Variants in DBR1 observed in about 807,000 individuals in gnomAD.
DBR1 encodes lariat debranching enzyme.
A neutral mutation model predicts 45.9 loss-of-function variants in DBR1; 33 were observed. The observed-to-expected ratio is 0.72, with a 90% CI of 0.55 to 0.96. The LOEUF (loss-of-function observed/expected upper bound fraction) is 0.96. Ranked by LOEUF, DBR1 falls within the 40% of genes least tolerant of loss-of-function variation. The pLI is 0.00. For missense variants in DBR1, 619 were observed against 667.4 expected, an observed-to-expected ratio of 0.93 and a Z score of 0.80; for synonymous variants, 235 against 235.9, an observed-to-expected ratio of 1.00 and a Z score of 0.04.
chr3:138,169,240 G>A (rs2042944100), intron 4 of DBR1, among the ~76,000 whole-genome samples: 1 of 152,152 alleles, frequency 6.6e-6, no homozygotes, highest in Admixed American at 6.6e-5. Context: ...ATCCTTAAAG[G>A]GATGAAGTTA....
At position 138,162,302 on chromosome 3, in the gene DBR1, C is replaced by T. The variant is rs768335561; in HGVS notation, c.1222G>A (p.Gly408Arg). 2 of 1,614,204 alleles carry T rather than the reference C, an allele frequency of 1.2e-6. No individual in the cohort carries two copies. Among genetic ancestry groups the T allele is most frequent in the Non-Finnish European group, 1.7e-6 (2 of 1,180,042 alleles). The change falls in exon 8 of 8, where the codon GGA becomes AGA. Residue 408 changes from glycine (G) to arginine (R), a missense_variant. This residue lies in a region of DBR1 where 182 missense variants were observed against 196.1 expected (regional missense o/e 0.93). Transcript: ENST00000260803. ...EQDDVESNDS[G>R]EDQSEYNTDT... ...GTATTATATTCACTCTGGTCTTCTC[C>T]AGAGTCATTACTCTCCACATCATCC...
At chr3:138,165,248 T>A (rs1334801558) in intron 5 of DBR1, among the ~76,000 whole-genome samples, 1 of 152,170 alleles carries the variant, frequency 6.6e-6, no homozygotes, top group Non-Finnish European at 1.5e-5. Context: ...GAGTATGCCT[T>A]ATCTAAAATG....
intron 1 of DBR1, 87 bp downstream of exon 1, chr3:138,174,512 A>G: frequency 7.5e-7 from 1 of 1,342,220 alleles, no homozygotes; most frequent in South Asian, 1.4e-5. Context: ...GAACAAAGAC[A>G]GGATCTAAGG....
intron 5 of DBR1, among the ~76,000 whole-genome samples, chr3:138,164,536 G>A (rs190459231): frequency 6.6e-6 from 1 of 152,326 alleles, no homozygotes; most frequent in East Asian, 1.9e-4. Flanking sequence ...CAGGCACAAA[G>A]GATCTTTGGG....
rs1232347096 is a variant in DBR1 at position 138,170,141 on chromosome 3, T to A, written c.455A>T (p.His152Leu). 1.9e-6 allele frequency: 3 copies of A among 1,600,436 alleles called. No individual in the cohort carries two copies. Among genetic ancestry groups the A allele is most frequent in the Admixed American group, 1.7e-5 (1 of 58,938 alleles). ...YNSSTIRSIYHVRNIEVYKLK... is the reference protein window; with the variant it reads ...YNSSTIRSIYLVRNIEVYKLK... ...TTTATAGACTTCAATATTTCTCACA[T>A]GATATATACTCCTGATTGTAGATGA... Residue 152 changes from histidine (H) to leucine (L), a missense_variant, in exon 4 of 8, where the codon CAT becomes CTT. His to Leu is a moderately conservative substitution (Grantham distance 99). This residue lies in a region of DBR1 where 430 missense variants were observed against 447.7 expected (regional missense o/e 0.96). Coordinates refer to ENST00000260803, the MANE Select transcript of DBR1 (RefSeq NM_016216.4).
chr3:138,168,715 C>T lies in DBR1; in HGVS notation c.489+1392G>A, dbSNP rs116339301. Among the ~76,000 whole-genome samples, 325 of 151,534 alleles carry T rather than the reference C, an allele frequency of 2.1e-3. 2 individuals are homozygous for T. Among genetic ancestry groups the T allele is most frequent in the Middle Eastern group, 0.01 (3 of 294 alleles). On this transcript the variant is annotated intron_variant, in intron 4 of 7. Transcript: ENST00000260803. ...CTCATGCCTGTAATCCCAGCACTTTCGGAGGCCAAGGCAGAAGGATCGCTT... is the reference window on the plus strand; with the variant it reads ...CTCATGCCTGTAATCCCAGCACTTTTGGAGGCCAAGGCAGAAGGATCGCTT...
chr3:138,174,671 G>T lies in DBR1; in HGVS notation c.125C>A (p.Ala42Glu). ...GCGTAGATCCGCCTCGTTGCGCACC[G>T]CCTGGAAGTCGCCGCAGCACAGCAA... is the stretch of plus-strand genomic sequence containing the variant. ...DLLLCCGDFQ[A>E]VRNEADLRCM... Residue 42 changes from alanine to glutamate, a missense_variant, in exon 1 of 8, where the codon GCG (alanine) becomes GAG (glutamate). Around this residue, in one of 3 missense-constraint regions of DBR1, gnomAD observed 430 missense variants for 447.7 expected, o/e 0.96. Transcript: ENST00000260803. 6.2e-7 allele frequency: 1 copy of T among 1,612,318 alleles called. No homozygotes were observed. The highest frequency in any genetic ancestry group is 8.5e-7 in the Non-Finnish European group (1 of 1,179,326).
chr3:138,163,202 G>T, intron 7 of DBR1, 147 bp downstream of exon 7: 1 of 765,270 alleles, frequency 1.3e-6, no homozygotes, highest in Non-Finnish European at 2.0e-6. Flanking sequence ...AGAGGATGCA[G>T]TGAGCCAAGA....
chr3:138,164,866 C>T (rs563155046), intron 5 of DBR1, among the ~76,000 whole-genome samples: 4 of 152,162 alleles, frequency 2.6e-5, no homozygotes, highest in African/African-American at 7.2e-5. Flanking sequence ...AGACTGGCCT[C>T]GAACTCCTGG....
intron 7 of DBR1, among the ~76,000 whole-genome samples, chr3:138,163,075 T>G (rs1349144370): frequency 6.6e-6 from 1 of 152,122 alleles, no homozygotes; most frequent in Non-Finnish European, 1.5e-5. Context: ...CTAGGCAACA[T>G]GGGAAAGCCC....
At position 138,162,257 on chromosome 3, in the gene DBR1, A is replaced by G. The variant is rs897912837; in HGVS notation, c.1267T>C (p.Ser423Pro). The change falls in exon 8 of 8, where the codon TCT becomes CCT. Residue 423 changes from serine to proline, a missense_variant. Ser to Pro is a moderately conservative substitution (Grantham distance 74). Coordinates refer to ENST00000260803, the MANE Select transcript of DBR1 (RefSeq NM_016216.4). Reference sequence around the variant, plus strand: ...AACATTATTTCATCTGGATTAATAGAAGACAGAGCAGATGTGTCTGTATTA... The same window carrying G: ...AACATTATTTCATCTGGATTAATAGGAGACAGAGCAGATGTGTCTGTATTA... ...EYNTDTSALS[S>P]INPDEIMLDE... 11 of 1,614,082 alleles carry G rather than the reference A, an allele frequency of 6.8e-6. No homozygotes were observed. The Admixed American group carries it at 1.0e-4, about 15-fold the overall frequency.
At chr3:138,173,461 C>T (rs746349969) in intron 2 of DBR1, 41 bp downstream of exon 2, 4 of 1,607,664 alleles carry the variant, frequency 2.5e-6, no homozygotes, top group Non-Finnish European at 3.4e-6. Context: ...TAAGCTCTTC[C>T]ATCCCAGGAA....
At position 138,174,781 on chromosome 3, in the gene DBR1, C is replaced by A. The variant is rs2042971824; in HGVS notation, c.15G>T (p.Val5=). The A allele has an allele frequency of 6.2e-7, 1 of 1,611,456 alleles. No individual in the cohort carries two copies. The highest frequency in any genetic ancestry group is 1.1e-5 in the South Asian group (1 of 90,780). MRVA[V]AGCCHGELDK... Reference sequence around the variant, plus strand: ...CCAGCTCGCCGTGGCAGCAGCCAGCCACAGCCACCCGCATTCTGCCGGCCT... The same window carrying A: ...CCAGCTCGCCGTGGCAGCAGCCAGCAACAGCCACCCGCATTCTGCCGGCCT... Residue 5 remains valine, a synonymous_variant, in exon 1 of 8, where the codon GTG becomes GTT. Coordinates refer to ENST00000260803, the MANE Select transcript of DBR1 (RefSeq NM_016216.4).
chr3:138,169,865 G>A (rs535460368), intron 4 of DBR1, among the ~76,000 whole-genome samples: 8 of 152,074 alleles, frequency 5.3e-5, no homozygotes, highest in African/African-American at 1.7e-4. Context: ...CCCAGGAGGC[G>A]GAGGTTGCAG....
At chr3:138,163,744 C>T in intron 6 of DBR1, 34 bp downstream of exon 6, 2 of 1,497,080 alleles carry the variant, frequency 1.3e-6, no homozygotes, top group East Asian at 4.6e-5. Context: ...TGGAAGAGTA[C>T]AACTATATTA....
Position 138,167,159 on chromosome 3 carries a change from C to A in DBR1, c.636G>T (p.Glu212Asp). ...AAGTAGGTTTGAGATGCTCTAAAAG[C>A]TCTGAGGCAGCTGGACTTCCTAATG... ...NNTLGSPAAS[E>D]LLEHLKPTYW... Residue 212 changes from glutamate (E) to aspartate (D), a missense_variant, in exon 5 of 8, where the codon GAG becomes GAT. Coordinates refer to ENST00000260803, the MANE Select transcript of DBR1 (RefSeq NM_016216.4). 1 of 1,614,170 alleles carries A rather than the reference C, an allele frequency of 6.2e-7. No individual in the cohort carries two copies.
chr3:138,172,357 C>T (rs984123754), intron 2 of DBR1, among the ~76,000 whole-genome samples: 27 of 152,064 alleles, frequency 1.8e-4, no homozygotes, highest in African/African-American at 6.0e-4. Flanking sequence ...CCCAGGTGGG[C>T]GGATCACTTT....
At chr3:138,163,698 A>C in intron 6 of DBR1, 80 bp downstream of exon 6, 1 of 1,109,606 alleles carries the variant, frequency 9.0e-7, no homozygotes, top group Non-Finnish European at 1.2e-6. Flanking sequence ...CAGAACAAAA[A>C]AATTCCGAAA....
intron 5 of DBR1, among the ~76,000 whole-genome samples, chr3:138,164,676 T>C (rs2042922364): frequency 6.6e-6 from 1 of 152,260 alleles, no homozygotes; most frequent in Admixed American, 6.5e-5. Context: ...AGACAGAGTC[T>C]TACTCTGTCG....
Sources: allele counts gnomAD v4.1 joint callset (sites outside exome capture counted in the v4.1 genomes callset), GRCh38; gene constraint gnomAD v4.1.1; regional missense constraint gnomAD v4.1.1; transcripts MANE v1.5; gene names NCBI Gene and HGNC (gene_info 2026-07-23, HGNC 2026-07-21).